Variants in IMMP2L observed in about 807,000 individuals in gnomAD.
IMMP2L encodes inner mitochondrial membrane peptidase subunit 2.
Under a neutral mutation model 19.3 loss-of-function variants are expected in IMMP2L, and 18 were observed. The observed-to-expected ratio is 0.93, with a 90% confidence interval of 0.64 to 1.38. The LOEUF (loss-of-function observed/expected upper bound fraction) is 1.38. Among genes scored for constraint, IMMP2L ranks in the 40% most tolerant of loss-of-function variants. IMMP2L has a pLI of 0.00. For synonymous variants in IMMP2L, 76 were observed against 73.0 expected, an observed-to-expected ratio of 1.04 and a Z score of -0.21; for missense variants, 233 against 218.2, an observed-to-expected ratio of 1.07 and a Z score of -0.43.
At chr7:110,717,320 C>CA (rs953250665) in intron 5 of IMMP2L, among the ~76,000 whole-genome samples, 2 of 151,980 alleles carry the variant, frequency 1.3e-5, no homozygotes, top group South Asian at 2.1e-4. Flanking sequence ...ACTAAAAATA[C>CA]AAAAAAAATT....
intron 5 of IMMP2L, among the ~76,000 whole-genome samples, chr7:110,676,716 A>T (rs990345469): frequency 6.6e-6 from 1 of 152,182 alleles, no homozygotes; most frequent in Non-Finnish European, 1.5e-5. Context: ...GATATACCAC[A>T]ATGGATTGAC....
At chr7:110,906,840 T>C (rs903695132) in intron 4 of IMMP2L, among the ~76,000 whole-genome samples, 3 of 152,194 alleles carry the variant, frequency 2.0e-5, no homozygotes, top group African/African-American at 7.2e-5. Flanking sequence ...TTTATGATTA[T>C]ACTAATATGA....
At chr7:111,249,465 A>G (rs1292112851) in intron 3 of IMMP2L, among the ~76,000 whole-genome samples, 3 of 150,866 alleles carry the variant, frequency 2.0e-5, no homozygotes, top group Non-Finnish European at 4.4e-5. Flanking sequence ...ATGGAAATGC[A>G]GAAATCACCG....
At chr7:111,404,074 A>C (rs1024392224) in intron 3 of IMMP2L, among the ~76,000 whole-genome samples, 31 of 152,156 alleles carry the variant, frequency 2.0e-4, no homozygotes, top group Admixed American at 2.0e-3. Flanking sequence ...CACATTTAAC[A>C]CAGCCCTAGC....
rs776599273 is a variant in IMMP2L at position 110,856,428 on chromosome 7, TCTC to T, written c.408+30162_408+30164del. Among the ~76,000 whole-genome samples, 4 of 152,108 alleles carry T rather than the reference TCTC, an allele frequency of 2.6e-5. No homozygotes were observed. The South Asian group carries it at 6.2e-4, about 24-fold the overall frequency. On this transcript the variant is annotated intron_variant, in intron 5 of 5. Coordinates refer to ENST00000405709, the MANE Select transcript of IMMP2L (RefSeq NM_032549.4). ...TGTTAATTTCTAGAAGGTAAACCAA[TCTC>T]CTCGAACATGCTACCTAGAAATTAA... is the stretch of plus-strand genomic sequence containing the variant.
At chr7:110,966,609 C>A (rs1054899840) in intron 3 of IMMP2L, among the ~76,000 whole-genome samples, 1 of 151,786 alleles carries the variant, frequency 6.6e-6, no homozygotes, top group Non-Finnish European at 1.5e-5. Context: ...GCAAAGGGAG[C>A]TATCTATATA....
At chr7:111,062,147 G>T (rs1459669826) in intron 3 of IMMP2L, among the ~76,000 whole-genome samples, 1 of 152,160 alleles carries the variant, frequency 6.6e-6, no homozygotes, top group African/African-American at 2.4e-5. Context: ...ACACACCTGA[G>T]ATCGGGCAAT....
At chr7:110,928,870 A>G (rs1815168476) in intron 4 of IMMP2L, among the ~76,000 whole-genome samples, 1 of 152,124 alleles carries the variant, frequency 6.6e-6, no homozygotes, top group South Asian at 2.1e-4. Context: ...GGTAGCCACT[A>G]CAGAATCTAT....
rs139589354 is a variant in IMMP2L, at chr7:111,541,984, G to A, written c.-3+19867C>T. On this transcript the variant is annotated intron_variant, in intron 1 of 5. Coordinates refer to ENST00000405709, the MANE Select transcript of IMMP2L (RefSeq NM_032549.4). The stretch of plus-strand genomic sequence containing the variant: ...TGAGTTTTAAAAATAAAAGTGAGAC[G>A]TAGGTAACAGAATCCTCCAAGAAAT... 1.5e-3 allele frequency among the ~76,000 whole-genome samples: 226 copies of A among 152,146 alleles called. 1 individual carries two copies. Among genetic ancestry groups the A allele is most frequent in the African/African-American group, 5.2e-3 (216 of 41,534 alleles).
At chr7:110,898,149 T>TTA (rs1250062883) in intron 4 of IMMP2L, among the ~76,000 whole-genome samples, 5 of 151,324 alleles carry the variant, frequency 3.3e-5, no homozygotes, top group Non-Finnish European at 5.9e-5. Flanking sequence ...ATAAAATATT[T>TTA]TATATATACA....
intron 5 of IMMP2L, among the ~76,000 whole-genome samples, chr7:110,784,918 T>TTAAAA (rs2131104853): frequency 1.3e-5 from 2 of 152,020 alleles, no homozygotes; most frequent in East Asian, 3.9e-4. Flanking sequence ...GACATAAAAT[T>TTAAAA]TAAAATTATA....
chr7:111,277,004 G>A (rs1819143113), intron 3 of IMMP2L, among the ~76,000 whole-genome samples: 1 of 152,088 alleles, frequency 6.6e-6, no homozygotes, highest in Non-Finnish European at 1.5e-5. Flanking sequence ...CTGAAACTAT[G>A]AAAATCCTAG....
chr7:111,190,641 T>C (rs1037799136), intron 3 of IMMP2L, among the ~76,000 whole-genome samples: 7 of 152,110 alleles, frequency 4.6e-5, no homozygotes, highest in Non-Finnish European at 1.0e-4. Flanking sequence ...ACTAACAATA[T>C]GTGACCTTGG....
intron 5 of IMMP2L, among the ~76,000 whole-genome samples, chr7:110,828,849 T>C (rs1803721961): frequency 6.6e-6 from 1 of 152,174 alleles, no homozygotes; most frequent in African/African-American, 2.4e-5. Context: ...TCTTTCAAAA[T>C]GCTTGTAACC....
chr7:111,460,090 G>A (rs1218318154), intron 3 of IMMP2L, among the ~76,000 whole-genome samples: 1 of 152,074 alleles, frequency 6.6e-6, no homozygotes, highest in Non-Finnish European at 1.5e-5. Flanking sequence ...TCAGCTGTGT[G>A]GGCTGAGATG....
intron 2 of IMMP2L, among the ~76,000 whole-genome samples, chr7:111,494,900 T>G (rs568918945): frequency 1.6e-4 from 25 of 152,266 alleles, no homozygotes; most frequent in African/African-American, 6.0e-4. Flanking sequence ...CATAGTAAAC[T>G]GAAAGTATTC....
intron 4 of IMMP2L, among the ~76,000 whole-genome samples, chr7:110,932,544 C>T (rs1193992168): frequency 6.6e-6 from 1 of 151,890 alleles, no homozygotes; most frequent in Non-Finnish European, 1.5e-5. Context: ...TAAGTAGAGA[C>T]GGGGTTTCAC....
chr7:111,481,598 G>C (rs1842194864), intron 3 of IMMP2L, among the ~76,000 whole-genome samples: 1 of 145,814 alleles, frequency 6.9e-6, no homozygotes, highest in South Asian at 2.2e-4. Context: ...AAAATATTAT[G>C]TTTTTTTTTT....
intron 3 of IMMP2L, among the ~76,000 whole-genome samples, chr7:111,004,958 A>G (rs148314692): frequency 0.011 from 1,705 of 152,322 alleles, 20 homozygotes; most frequent in South Asian, 0.022. Context: ...AAATGTAGCT[A>G]AATCTAATTC....
Sources: allele counts gnomAD v4.1 joint callset (sites outside exome capture counted in the v4.1 genomes callset), GRCh38; gene constraint gnomAD v4.1.1; transcripts MANE v1.5; gene names NCBI Gene and HGNC (gene_info 2026-07-23, HGNC 2026-07-21).